CACNA2D3: variants seen among roughly 807,000 people sequenced by gnomAD.
The protein encoded by CACNA2D3 is calcium voltage-gated channel auxiliary subunit alpha2delta 3.
A neutral mutation model predicts 160.6 loss-of-function variants in CACNA2D3; 60 were observed. The observed-to-expected ratio is 0.37, with a 90% CI of 0.30 to 0.46. The LOEUF is 0.46. Ranked by LOEUF, CACNA2D3 falls within the 20% of genes least tolerant of loss-of-function variation. The pLI is 1.00. For missense variants in CACNA2D3, 1,205 were observed against 1,365.0 expected, an observed-to-expected ratio of 0.88 and a Z score of 1.85; for synonymous variants, 558 against 492.9, an observed-to-expected ratio of 1.13 and a Z score of -1.75.
chr3:54,402,382 C>G (rs183637912), intron 4 of CACNA2D3, among the ~76,000 whole-genome samples: 3 of 152,154 alleles, frequency 2.0e-5, no homozygotes, highest in African/African-American at 7.2e-5. Context: ...ATGCTACCCA[C>G]AAGAAACCCA....
intron 9 of CACNA2D3, among the ~76,000 whole-genome samples, chr3:54,616,850 G>T (rs533249218): frequency 3.3e-5 from 5 of 152,084 alleles, no homozygotes; most frequent in Non-Finnish European, 5.9e-5. Context: ...CCTACCTTCT[G>T]TCTGGGGATT....
chr3:55,043,565 C>T (rs1435841261), intron 35 of CACNA2D3, among the ~76,000 whole-genome samples: 1 of 151,720 alleles, frequency 6.6e-6, no homozygotes, highest in Non-Finnish European at 1.5e-5. Context: ...GATACAAATC[C>T]TTTGTAAAAA....
intron 4 of CACNA2D3, among the ~76,000 whole-genome samples, chr3:54,414,171 C>T (rs1441850381): frequency 6.6e-6 from 1 of 151,934 alleles, no homozygotes; most frequent in Non-Finnish European, 1.5e-5. Context: ...TGATCTTGTG[C>T]ATTCTAACAT....
intron 9 of CACNA2D3, among the ~76,000 whole-genome samples, chr3:54,617,074 T>C: frequency 6.6e-6 from 1 of 152,186 alleles, no homozygotes; most frequent in East Asian, 1.9e-4. Flanking sequence ...AAAGCTACCA[T>C]TTTTTCTTTA....
At chr3:54,812,650 A>G (rs547350535) in intron 13 of CACNA2D3, among the ~76,000 whole-genome samples, 3 of 152,174 alleles carry the variant, frequency 2.0e-5, no homozygotes, top group Non-Finnish European at 2.9e-5. Context: ...TGATGCCCAG[A>G]TGGAATGGCC....
At chr3:54,885,887 A>G (rs1034214073) in intron 23 of CACNA2D3, among the ~76,000 whole-genome samples, 1 of 152,176 alleles carries the variant, frequency 6.6e-6, no homozygotes, top group African/African-American at 2.4e-5. Context: ...GACTGTAAAT[A>G]TTTGCATATC....
chr3:54,377,214 C>T (rs1474701505), intron 3 of CACNA2D3, among the ~76,000 whole-genome samples: 2 of 152,194 alleles, frequency 1.3e-5, no homozygotes, highest in Non-Finnish European at 2.9e-5. Context: ...TGCCTCATTC[C>T]GTTTTCAGCC....
At chr3:54,821,784 G>T (rs180906229) in intron 14 of CACNA2D3, among the ~76,000 whole-genome samples, 1 of 148,202 alleles carries the variant, frequency 6.7e-6, no homozygotes, top group East Asian at 2.1e-4. Context: ...TGTACAAGTA[G>T]AATTTGGCCT....
intron 2 of CACNA2D3, among the ~76,000 whole-genome samples, chr3:54,159,250 C>T (rs1160214679): frequency 1.3e-5 from 2 of 152,184 alleles, no homozygotes; most frequent in African/African-American, 2.4e-5. Context: ...TATACCCAAA[C>T]ATCCCTGATA....
At position 54,130,684 on chromosome 3, in the gene CACNA2D3, C is replaced by T. The variant is rs931872443; in HGVS notation, c.204+7090C>T. On this transcript the variant is annotated intron_variant, in intron 2 of 37. Coordinates refer to ENST00000474759, the MANE Select transcript of CACNA2D3 (RefSeq NM_018398.3). ...GACTGAGCAGGGTCTACACATCTGG[C>T]CACAGTGCTATATTTTCTTGTCTTT... Among the ~76,000 whole-genome samples the T allele has an allele frequency of 5.3e-5, 8 of 152,326 alleles. No homozygotes were observed. The East Asian group carries it at 1.5e-3, about 29-fold the overall frequency.
intron 3 of CACNA2D3, among the ~76,000 whole-genome samples, chr3:54,379,874 G>A (rs753254316): frequency 6.6e-6 from 1 of 152,024 alleles, no homozygotes; most frequent in Non-Finnish European, 1.5e-5. Flanking sequence ...TATTTTCCTT[G>A]TGTGTCCCTC....
At chr3:54,262,071 C>A (rs888480723) in intron 2 of CACNA2D3, among the ~76,000 whole-genome samples, 39 of 152,108 alleles carry the variant, frequency 2.6e-4, no homozygotes, top group African/African-American at 8.9e-4. Context: ...TGCTGCTGCT[C>A]TCTAAGGAAT....
intron 27 of CACNA2D3, among the ~76,000 whole-genome samples, chr3:54,913,905 G>A (rs1318505890): frequency 6.6e-6 from 1 of 152,180 alleles, no homozygotes; most frequent in Non-Finnish European, 1.5e-5. Context: ...ATGAGGCTTA[G>A]AGAAAATTAA....
intron 14 of CACNA2D3, among the ~76,000 whole-genome samples, chr3:54,834,115 C>G (rs1194795370): frequency 1.3e-5 from 2 of 152,110 alleles, no homozygotes; most frequent in East Asian, 3.9e-4. Flanking sequence ...TATATTCTGG[C>G]TTAATATTTT....
chr3:54,646,705 T>C (rs1350974254), intron 11 of CACNA2D3, among the ~76,000 whole-genome samples: 1 of 152,236 alleles, frequency 6.6e-6, no homozygotes, highest in Non-Finnish European at 1.5e-5. Flanking sequence ...TAAATAGTGC[T>C]GCAGTGAACA....
intron 31 of CACNA2D3, among the ~76,000 whole-genome samples, chr3:54,988,794 G>A (rs1383187523): frequency 6.6e-6 from 1 of 152,106 alleles, no homozygotes; most frequent in Non-Finnish European, 1.5e-5. Flanking sequence ...TCCATAGCTT[G>A]TTTGTGCCAG....
intron 27 of CACNA2D3, among the ~76,000 whole-genome samples, chr3:54,963,137 T>G (rs746114466): frequency 2.0e-5 from 3 of 152,194 alleles, no homozygotes; most frequent in Non-Finnish European, 4.4e-5. Context: ...GGAGGGTGGT[T>G]GTTGCATTGA....
intron 17 of CACNA2D3, among the ~76,000 whole-genome samples, chr3:54,864,814 C>G (rs2106807775): frequency 6.6e-6 from 1 of 152,308 alleles, no homozygotes; most frequent in South Asian, 2.1e-4. Flanking sequence ...CGGTGACCAC[C>G]AGACCACAGG....
At chr3:54,967,578 G>A (rs764008835) in intron 27 of CACNA2D3, among the ~76,000 whole-genome samples, 6 of 152,148 alleles carry the variant, frequency 3.9e-5, no homozygotes, top group Non-Finnish European at 7.4e-5. Flanking sequence ...GGTAAATGAC[G>A]TGCTCCAGGG....
Sources: allele counts gnomAD v4.1 joint callset (sites outside exome capture counted in the v4.1 genomes callset), GRCh38; gene constraint gnomAD v4.1.1; transcripts MANE v1.5; gene names NCBI Gene and HGNC (gene_info 2026-07-23, HGNC 2026-07-21).